GPC5: variants seen among roughly 807,000 people sequenced by gnomAD.
GPC5 encodes glypican-5.
Under a neutral mutation model 53.9 loss-of-function variants are expected in GPC5, and 47 were observed. The observed-to-expected ratio is 0.87, with a 90% CI of 0.69 to 1.11. The LOEUF is 1.11. Ranked by LOEUF, GPC5 falls within the 50% of genes most tolerant of loss-of-function variation. GPC5 has a pLI of 0.00. For synonymous variants in GPC5, 286 were observed against 263.3 expected, an observed-to-expected ratio of 1.09 and a Z score of -0.84; for missense variants, 748 against 713.1, an observed-to-expected ratio of 1.05 and a Z score of -0.56.
chr13:91,820,974 A>G lies in GPC5; in HGVS notation c.1280+64554A>G, dbSNP rs545318766. On this transcript the variant is annotated intron_variant, in intron 5 of 7. Transcript: ENST00000377067. ...CGAGACTCCGTCTCAAAAAAAAAAT[A>G]AACAAATAAAATAAAAAAAAAAAAG... Among the ~76,000 whole-genome samples the G allele has an allele frequency of 8.8e-5, 13 of 147,578 alleles. No homozygotes were observed. The South Asian group carries it at 2.7e-3, about 31-fold the overall frequency.
chr13:92,314,650 A>C (rs1375189337), intron 7 of GPC5, among the ~76,000 whole-genome samples: 1 of 151,720 alleles, frequency 6.6e-6, no homozygotes, highest in East Asian at 1.9e-4. Context: ...AAATAACGCT[A>C]TCCATCTACT....
intron 2 of GPC5, among the ~76,000 whole-genome samples, chr13:91,495,772 C>T (rs1432800649): frequency 6.6e-6 from 1 of 152,198 alleles, no homozygotes; most frequent in Non-Finnish European, 1.5e-5. Context: ...CCTGGAATCC[C>T]AGCACTTTGG....
chr13:92,370,084 T>A (rs1479476061), intron 7 of GPC5, among the ~76,000 whole-genome samples: 3 of 152,208 alleles, frequency 2.0e-5, no homozygotes, highest in Non-Finnish European at 4.4e-5. Flanking sequence ...CTTAGAAAAT[T>A]AATTTGATTA....
At chr13:92,329,433 G>T (rs11840286) in intron 7 of GPC5, among the ~76,000 whole-genome samples, 4,089 of 152,086 alleles carry the variant, frequency 0.027, 170 homozygotes, top group African/African-American at 0.092. Context: ...CCAAGCAGAT[G>T]GTGCTAAGCC....
chr13:92,049,926 T>A (rs780809485), intron 6 of GPC5, among the ~76,000 whole-genome samples: 36 of 152,168 alleles, frequency 2.4e-4, no homozygotes, highest in Non-Finnish European at 4.7e-4. Flanking sequence ...GCTTGCATTT[T>A]TGATACAAAT....
chr13:92,167,614 A>C (rs964721538), intron 7 of GPC5, among the ~76,000 whole-genome samples: 1 of 152,220 alleles, frequency 6.6e-6, no homozygotes, highest in Non-Finnish European at 1.5e-5. Flanking sequence ...AACAATGAAA[A>C]AGAAATTGTG....
intron 7 of GPC5, among the ~76,000 whole-genome samples, chr13:92,373,403 T>C (rs1335865920): frequency 1.3e-5 from 2 of 152,218 alleles, no homozygotes; most frequent in African/African-American, 4.8e-5. Flanking sequence ...TCTGTAGAAA[T>C]GCTAGCCATT....
At chr13:92,357,265 G>A (rs1187821586) in intron 7 of GPC5, among the ~76,000 whole-genome samples, 1 of 151,680 alleles carries the variant, frequency 6.6e-6, no homozygotes, top group African/African-American at 2.4e-5. Flanking sequence ...TGGTAGTTCT[G>A]TTTTTAACTC....
chr13:92,105,097 T>G (rs936984471), intron 6 of GPC5, among the ~76,000 whole-genome samples: 3 of 148,376 alleles, frequency 2.0e-5, no homozygotes, highest in African/African-American at 7.5e-5. Context: ...TTTTAATTGA[T>G]TTTTTTTTTC....
intron 1 of GPC5, among the ~76,000 whole-genome samples, chr13:91,411,573 T>A (rs1191783652): frequency 2.0e-5 from 3 of 152,204 alleles, no homozygotes; most frequent in African/African-American, 7.2e-5. Context: ...ATAGAGTCAC[T>A]ACAGGTTGGT....
chr13:92,221,729 T>C (rs1054247413), intron 7 of GPC5, among the ~76,000 whole-genome samples: 3 of 151,954 alleles, frequency 2.0e-5, no homozygotes, highest in African/African-American at 4.8e-5. Flanking sequence ...CTATTTTTTT[T>C]CCATTAAGTG....
intron 5 of GPC5, among the ~76,000 whole-genome samples, chr13:91,788,540 T>A (rs1255655360): frequency 1.3e-5 from 2 of 152,252 alleles, no homozygotes; most frequent in African/African-American, 2.4e-5. Context: ...GTAACTGTTT[T>A]GCTGCATAAT....
chr13:92,859,694 A>T (rs1879117447), intron 7 of GPC5, among the ~76,000 whole-genome samples: 1 of 152,136 alleles, frequency 6.6e-6, no homozygotes, highest in Admixed American at 6.6e-5. Context: ...ATTACCAATT[A>T]TGCAAAAATG....
intron 5 of GPC5, among the ~76,000 whole-genome samples, chr13:91,758,819 A>G (rs1750031642): frequency 6.6e-6 from 1 of 152,112 alleles, no homozygotes; most frequent in Non-Finnish European, 1.5e-5. Context: ...TTTCGTGAAC[A>G]AGCTTCACTG....
intron 6 of GPC5, among the ~76,000 whole-genome samples, chr13:92,044,572 T>C: frequency 6.6e-6 from 1 of 152,258 alleles, no homozygotes; most frequent in Non-Finnish European, 1.5e-5. Context: ...CACTACGATA[T>C]CTGATTGGCA....
chr13:91,660,524 C>A (rs2139613033), intron 2 of GPC5, among the ~76,000 whole-genome samples: 1 of 152,310 alleles, frequency 6.6e-6, no homozygotes, highest in Middle Eastern at 3.4e-3. Flanking sequence ...TCAGCTGAGA[C>A]TCTTCCTGTA....
chr13:91,642,018 G>C (rs2034442598), intron 2 of GPC5, among the ~76,000 whole-genome samples: 1 of 152,192 alleles, frequency 6.6e-6, no homozygotes, highest in Admixed American at 6.5e-5. Context: ...TGATTAACTG[G>C]ATTGGTGGTA....
intron 6 of GPC5, among the ~76,000 whole-genome samples, chr13:91,938,468 A>G (rs1424672579): frequency 6.6e-6 from 1 of 152,082 alleles, no homozygotes; most frequent in Admixed American, 6.6e-5. Flanking sequence ...AGCATTGGGG[A>G]TTACATTTCA....
intron 2 of GPC5, among the ~76,000 whole-genome samples, chr13:91,650,000 C>T (rs1377092627): frequency 6.6e-6 from 1 of 152,156 alleles, no homozygotes; most frequent in Non-Finnish European, 1.5e-5. Context: ...TATCCCTCTA[C>T]ACAACTTCCT....
Sources: gnomAD v4.1 joint callset for allele counts (sites outside exome capture counted in the v4.1 genomes callset) on GRCh38, gnomAD v4.1.1 for gene constraint, MANE v1.5 for transcripts, NCBI Gene and HGNC (gene_info 2026-07-23, HGNC 2026-07-21) for gene names.